FSIP1: variants seen among roughly 807,000 people sequenced by gnomAD.
FSIP1 encodes fibrous sheath-interacting protein 1.
FSIP1 carries 65 observed loss-of-function variants against 60.9 expected under a neutral mutation model. That is an observed-to-expected ratio of 1.07 (90% CI 0.87 to 1.31). The LOEUF (loss-of-function observed/expected upper bound fraction) is 1.31, where lower values mean the gene tolerates loss of function less well. Ranked by LOEUF, FSIP1 falls within the 40% of genes most tolerant of loss-of-function variation. FSIP1 has a pLI of 0.00. For synonymous variants in FSIP1, 209 were observed against 221.2 expected (o/e 0.94, Z 0.49); for missense variants, 675 against 665.5 (o/e 1.01, Z -0.16).
At position 39,726,852 on chromosome 15, in the gene FSIP1, A is replaced by ACACACACACAC. The variant is rs1896219645; in HGVS notation, c.892-106_892-105insGTGTGTGTGTG. 1.1e-5 allele frequency: 6 copies of ACACACACACAC among 537,052 alleles called. No individual in the cohort carries two copies. The African/African-American group carries it at 1.2e-4, about 10-fold the overall frequency. The allele number at this position is 537,052 out of a possible 1,614,324, so 33.3% of individuals were successfully genotyped here. On this transcript the variant is annotated intron_variant, in intron 8 of 11. Transcript: ENST00000350221. ...GCCCAGGTCTTCACATACACACACA[A>ACACACACACAC]ACACACACACACACACACACAACAC...
At chr15:39,754,496 A>ATAATC (rs946010266) in intron 5 of FSIP1, among the ~76,000 whole-genome samples, 1 of 152,124 alleles carries the variant, frequency 6.6e-6, no homozygotes, top group African/African-American at 2.4e-5. Context: ...AACTGTTTGA[A>ATAATC]TAATCTGATA....
intron 10 of FSIP1, among the ~76,000 whole-genome samples, chr15:39,686,472 C>A (rs1215822469): frequency 6.6e-6 from 1 of 152,230 alleles, no homozygotes; most frequent in Non-Finnish European, 1.5e-5. Flanking sequence ...GACTTTATCG[C>A]CCCTTGGCAA....
At chr15:39,760,366 G>T (rs1897453294) in intron 5 of FSIP1, among the ~76,000 whole-genome samples, 1 of 151,996 alleles carries the variant, frequency 6.6e-6, no homozygotes, top group South Asian at 2.1e-4. Flanking sequence ...TGTATTAATT[G>T]TAAAAGAAAA....
At chr15:39,634,503 T>A (rs1048180415) in intron 10 of FSIP1, among the ~76,000 whole-genome samples, 18 of 152,196 alleles carry the variant, frequency 1.2e-4, no homozygotes, top group African/African-American at 4.1e-4. Context: ...TGAACACTCT[T>A]CATCTGGCAA....
chr15:39,628,129 G>A (rs1891720493), intron 10 of FSIP1, among the ~76,000 whole-genome samples: 1 of 152,182 alleles, frequency 6.6e-6, no homozygotes, highest in Non-Finnish European at 1.5e-5. Flanking sequence ...GGATTAATAG[G>A]TGGTTTCTAC....
intron 8 of FSIP1, among the ~76,000 whole-genome samples, chr15:39,734,346 G>A (rs8035291): frequency 0.05 from 7,565 of 152,164 alleles, 579 homozygotes; most frequent in Admixed American, 0.2. Flanking sequence ...TAAATAATTC[G>A]TTGAGTCCAA....
intron 5 of FSIP1, among the ~76,000 whole-genome samples, chr15:39,758,417 A>G (rs956933460): frequency 3.3e-5 from 5 of 152,006 alleles, no homozygotes. Flanking sequence ...CCCACTAGAA[A>G]AATCAGTATT....
In FSIP1 at chr15:39,618,174, T is replaced by A; in HGVS notation, c.1260A>T (p.Lys420Asn). Residue 420 changes from lysine to asparagine, a missense_variant, in exon 11 of 12, where the codon AAA becomes AAT. By Grantham distance (94) the Lys-to-Asn change is moderately conservative. Transcript: ENST00000350221. Reference sequence around the variant, plus strand: ...TTTCTGAAGAAAGTTTAATGATGGATTTTTGTTTAAGTATGCATTCATCCA... The same window carrying A: ...TTTCTGAAGAAAGTTTAATGATGGAATTTTGTTTAAGTATGCATTCATCCA... ...CLLDECILKQ[K>N]SIIKLSSERK... is the part of the protein sequence containing the mutation. 6.2e-7 allele frequency: 1 copy of A among 1,614,058 alleles called. No homozygotes were observed. Among genetic ancestry groups the A allele is most frequent in the East Asian group, 2.2e-5 (1 of 44,872 alleles).
intron 10 of FSIP1, among the ~76,000 whole-genome samples, chr15:39,709,789 T>A (rs764720165): frequency 3.3e-5 from 5 of 152,106 alleles, no homozygotes; most frequent in Non-Finnish European, 5.9e-5. Context: ...CTCGCGCTCC[T>A]ATGAGAATCT....
At chr15:39,603,044 T>C (rs1480686348) in intron 11 of FSIP1, among the ~76,000 whole-genome samples, 1 of 152,138 alleles carries the variant, frequency 6.6e-6, no homozygotes, top group African/African-American at 2.4e-5. Flanking sequence ...ACTACTGACA[T>C]CAAGTCAGTA....
chr15:39,632,260 C>T (rs1891925162), intron 10 of FSIP1, among the ~76,000 whole-genome samples: 1 of 152,186 alleles, frequency 6.6e-6, no homozygotes, highest in Admixed American at 6.5e-5. Context: ...TCACTACAAT[C>T]TCCACCTGCT....
chr15:39,747,186 T>C (rs1897029053), intron 5 of FSIP1: 1 of 152,204 alleles, frequency 6.6e-6, no homozygotes. Flanking sequence ...TGCACTTTAA[T>C]TTGAAGTCTA....
At chr15:39,759,128 G>A (rs1382384067) in intron 5 of FSIP1, among the ~76,000 whole-genome samples, 4 of 151,752 alleles carry the variant, frequency 2.6e-5, no homozygotes, top group Non-Finnish European at 4.4e-5. Context: ...GCCTTTTAAA[G>A]CAGAGTACCA....
At chr15:39,628,596 G>A (rs775243606) in intron 10 of FSIP1, among the ~76,000 whole-genome samples, 9 of 152,100 alleles carry the variant, frequency 5.9e-5, no homozygotes, top group Non-Finnish European at 1.2e-4. Context: ...TTTCCTCGTG[G>A]CATTTTATAC....
chr15:39,703,849 A>G (rs1895159744), intron 10 of FSIP1, among the ~76,000 whole-genome samples: 1 of 152,196 alleles, frequency 6.6e-6, no homozygotes, highest in Non-Finnish European at 1.5e-5. Flanking sequence ...TGTAGTCAAT[A>G]ACTTTTAAAA....
intron 5 of FSIP1, among the ~76,000 whole-genome samples, chr15:39,746,906 T>C (rs1197070150): frequency 6.6e-6 from 1 of 152,096 alleles, no homozygotes; most frequent in Non-Finnish European, 1.5e-5. Flanking sequence ...AACAGGCTAG[T>C]TCAAAAGAGT....
chr15:39,762,141 A>G (rs1303078675), intron 5 of FSIP1, among the ~76,000 whole-genome samples: 3 of 152,220 alleles, frequency 2.0e-5, no homozygotes, highest in East Asian at 1.9e-4. Context: ...CAGTCAGTGT[A>G]TCGGTTTCCT....
chr15:39,673,885 AT>A (rs911280356), intron 10 of FSIP1, among the ~76,000 whole-genome samples: 1 of 151,798 alleles, frequency 6.6e-6, no homozygotes, highest in Non-Finnish European at 1.5e-5. Flanking sequence ...TCTTAAAAGC[AT>A]TTTTTTAGTT....
chr15:39,664,274 C>A (rs1053840599), intron 10 of FSIP1, among the ~76,000 whole-genome samples: 1 of 152,010 alleles, frequency 6.6e-6, no homozygotes, highest in Non-Finnish European at 1.5e-5. Flanking sequence ...TGTCAAATTG[C>A]AAAATTCTTT....
Sources: allele counts gnomAD v4.1 joint callset (sites outside exome capture counted in the v4.1 genomes callset), GRCh38; gene constraint gnomAD v4.1.1; transcripts MANE v1.5; gene names NCBI Gene and HGNC (gene_info 2026-07-23, HGNC 2026-07-21).